The following FAF1 variants were observed in gnomAD, a reference collection of about 807,000 sequenced individuals.
The protein encoded by FAF1 is FAS-associated factor 1.
Under a neutral mutation model 92.5 loss-of-function variants are expected in FAF1, and 25 were observed. The ratio of observed to expected loss-of-function variants is 0.27; its 90% CI spans 0.20 to 0.38. The LOEUF (loss-of-function observed/expected upper bound fraction) is 0.38, where lower values mean the gene tolerates loss of function less well. Among genes scored for constraint, FAF1 ranks in the 10% least tolerant of loss-of-function variants. The probability of loss-of-function intolerance (pLI) is 1.00; values close to 1 mark genes in which losing one functional copy is unlikely to be tolerated. For synonymous variants in FAF1, 234 were observed against 273.2 expected (o/e 0.86, Z 1.42); for missense variants, 636 against 793.3 (o/e 0.80, Z 2.38).
intron 1 of FAF1, among the ~76,000 whole-genome samples, chr1:50,903,992 A>G (rs970899855): frequency 9.2e-5 from 14 of 152,230 alleles, no homozygotes; most frequent in African/African-American, 3.4e-4. Flanking sequence ...TAGAATTAAC[A>G]TATGATCTAA....
chr1:50,439,201 G>C lies in FAF1; in HGVS notation c.*2239C>G, dbSNP rs1343189318. 6.6e-6 allele frequency: 1 copy of C among 152,244 alleles called. No homozygotes were observed. The highest frequency in any genetic ancestry group is 2.4e-5 in the African/African-American group (1 of 41,458). The allele number at this position is 152,244 out of a possible 1,614,324, so 9.4% of individuals were successfully genotyped here. A position where few individuals can be genotyped will look rare whatever the true frequency, so the allele number is the denominator to read the frequency against. On this transcript the variant is annotated 3_prime_UTR_variant, in exon 19 of 19. Transcript: ENST00000396153. ...CCTAATGGTAGGAGGAAGAACTGCA[G>C]AGGACACTGCTATTTCTGTGGTGAT...
At chr1:50,598,515 A>G (rs1442169894) in intron 8 of FAF1, among the ~76,000 whole-genome samples, 1 of 151,932 alleles carries the variant, frequency 6.6e-6, no homozygotes, top group South Asian at 2.1e-4. Flanking sequence ...TAAAATTAAC[A>G]TGACCTTTCC....
chr1:50,719,462 C>A lies in FAF1; in HGVS notation c.552-13571G>T, dbSNP rs569625247. On this transcript the variant is annotated intron_variant, in intron 6 of 18. Transcript: ENST00000396153. ...CTAGATAAATAAACATTTGGTTTCACATAATTTCTAATAACATTTTTCATG... is the reference window on the plus strand; with the variant it reads ...CTAGATAAATAAACATTTGGTTTCAAATAATTTCTAATAACATTTTTCATG... 3.9e-5 allele frequency among the ~76,000 whole-genome samples: 6 copies of A among 152,304 alleles called. No individual in the cohort carries two copies. The South Asian group carries it at 1.0e-3, about 26-fold the overall frequency.
At chr1:50,762,493 T>C (rs1374283105) in intron 4 of FAF1, among the ~76,000 whole-genome samples, 1 of 151,626 alleles carries the variant, frequency 6.6e-6, no homozygotes, top group Non-Finnish European at 1.5e-5. Flanking sequence ...AAAACAGAGA[T>C]ATAGATCAAT....
chr1:50,673,182 C>T (rs1027561661), intron 7 of FAF1, among the ~76,000 whole-genome samples: 2 of 151,532 alleles, frequency 1.3e-5, no homozygotes, highest in South Asian at 2.1e-4. Context: ...TGCTTGAACC[C>T]GGGAGGCAGA....
At chr1:50,694,019 T>C (rs1557479202) in intron 7 of FAF1, among the ~76,000 whole-genome samples, 5 of 152,104 alleles carry the variant, frequency 3.3e-5, no homozygotes, top group African/African-American at 9.7e-5. Context: ...ACATGACATA[T>C]ATGACATATA....
intron 9 of FAF1, among the ~76,000 whole-genome samples, chr1:50,595,731 C>T (rs769512698): frequency 1.3e-4 from 20 of 151,828 alleles, no homozygotes; most frequent in Non-Finnish European, 2.1e-4. Flanking sequence ...TTAGTAGAGA[C>T]GGGGTTTTAC....
At chr1:50,781,391 A>AAAAACTGTCACAGGAGATAAAG (rs1553138851) in intron 4 of FAF1, among the ~76,000 whole-genome samples, 5 of 152,258 alleles carry the variant, frequency 3.3e-5, no homozygotes, top group African/African-American at 7.2e-5. Flanking sequence ...AGTTTAAGTA[A>AAAAACTGTCACAGGAGATAAAG]AAAACTGTCA....
At chr1:50,785,980 A>C (rs1446419347) in intron 4 of FAF1, among the ~76,000 whole-genome samples, 3 of 152,140 alleles carry the variant, frequency 2.0e-5, no homozygotes, top group Admixed American at 6.5e-5. Context: ...AAGAAAAAAA[A>C]AAAATTAGCC....
intron 4 of FAF1, among the ~76,000 whole-genome samples, chr1:50,767,692 G>T (rs1047219797): frequency 1.4e-4 from 22 of 152,260 alleles, no homozygotes; most frequent in African/African-American, 4.6e-4. Context: ...CTAATCAAGA[G>T]CTTCATATCC....
chr1:50,472,368 T>TACACACACACACACACACAC (rs71850142), intron 18 of FAF1, among the ~76,000 whole-genome samples: 4 of 123,886 alleles, frequency 3.2e-5, no homozygotes, highest in Non-Finnish European at 5.0e-5. Context: ...GGGGAAAACA[T>TACACACACACACACACACAC]ACACACACAC....
At chr1:50,612,515 C>T (rs1173214208) in intron 8 of FAF1, 5 of 984,246 alleles carry the variant, frequency 5.1e-6, no homozygotes, top group East Asian at 1.1e-4. Context: ...AGGGTACCAA[C>T]GAGCCACTTG....
intron 15 of FAF1, among the ~76,000 whole-genome samples, chr1:50,499,574 T>A (rs1169889375): frequency 6.6e-6 from 1 of 152,052 alleles, no homozygotes; most frequent in South Asian, 2.1e-4. Flanking sequence ...GCATCTACAA[T>A]GAAAAGGAAG....
chr1:50,746,365 G>A (rs1353663544), intron 4 of FAF1, among the ~76,000 whole-genome samples: 7 of 133,828 alleles, frequency 5.2e-5, no homozygotes, highest in East Asian at 2.3e-4. Context: ...GTGCGACGGC[G>A]TGATCTCTGC....
At chr1:50,779,991 G>GACAGACAC (rs369288416) in intron 4 of FAF1, among the ~76,000 whole-genome samples, 1 of 145,438 alleles carries the variant, frequency 6.9e-6, no homozygotes, top group South Asian at 2.2e-4. Flanking sequence ...CAGACAGACA[G>GACAGACAC]ACACACACAC....
At chr1:50,465,205 T>A (rs1167728103) in intron 18 of FAF1, among the ~76,000 whole-genome samples, 1 of 152,214 alleles carries the variant, frequency 6.6e-6, no homozygotes. Flanking sequence ...TTTGAAGCTA[T>A]AAAATGGAGA....
chr1:50,577,043 C>T (rs1055406414), intron 12 of FAF1, among the ~76,000 whole-genome samples: 2 of 152,166 alleles, frequency 1.3e-5, no homozygotes, highest in Admixed American at 1.3e-4. Context: ...CTGATTTTAT[C>T]AGCATCATGC....
intron 12 of FAF1, among the ~76,000 whole-genome samples, chr1:50,576,287 T>C (rs1650730052): frequency 6.6e-6 from 1 of 152,206 alleles, no homozygotes; most frequent in Non-Finnish European, 1.5e-5. Flanking sequence ...ATTACTTGTT[T>C]AGGGCCACAG....
At chr1:50,735,682 C>T (rs184328773) in intron 6 of FAF1, among the ~76,000 whole-genome samples, 8 of 152,052 alleles carry the variant, frequency 5.3e-5, no homozygotes, top group African/African-American at 1.2e-4. Context: ...AAGAGTGAGA[C>T]GGTTTGTCAG....
Sources: gnomAD v4.1 joint callset for allele counts (sites outside exome capture counted in the v4.1 genomes callset) on GRCh38, gnomAD v4.1.1 for gene constraint, MANE v1.5 for transcripts, NCBI Gene and HGNC (gene_info 2026-07-23, HGNC 2026-07-21) for gene names.